The following CEP57L1 variants were observed in gnomAD, a reference collection of about 807,000 sequenced individuals.
CEP57L1 encodes centrosomal protein CEP57L1.
CEP57L1 carries 37 observed loss-of-function variants against 61.0 expected under a neutral mutation model. The ratio of observed to expected loss-of-function variants is 0.61; its 90% CI spans 0.47 to 0.80. The LOEUF (loss-of-function observed/expected upper bound fraction) is 0.80, where lower values mean the gene tolerates loss of function less well. Ranked by LOEUF, CEP57L1 falls within the 30% of genes least tolerant of loss-of-function variation. The pLI, the probability that CEP57L1 is intolerant of heterozygous loss-of-function variation, is 0.00. For synonymous variants in CEP57L1, 137 were observed against 162.3 expected (o/e 0.84, Z 1.19); for missense variants, 422 against 524.7 (o/e 0.80, Z 1.91).
chr6:109,126,711 C>T (rs1405603758), intron 1 of CEP57L1, among the ~76,000 whole-genome samples: 1 of 152,130 alleles, frequency 6.6e-6, no homozygotes, highest in Non-Finnish European at 1.5e-5. Context: ...TTAGTATGTT[C>T]ATAAGCCTGG....
intron 1 of CEP57L1, among the ~76,000 whole-genome samples, chr6:109,097,969 A>G (rs1781912567): frequency 6.6e-6 from 1 of 152,238 alleles, no homozygotes; most frequent in Non-Finnish European, 1.5e-5. Context: ...CAATGAGTAC[A>G]AAGAGGAGAA....
Position 109,163,917 on chromosome 6 carries a change from A to G in CEP57L1, c.*947A>G, listed in dbSNP as rs1041568401. The G allele has an allele frequency of 5.3e-5, 8 of 152,182 alleles. No homozygotes were observed. Among genetic ancestry groups the G allele is most frequent in the Non-Finnish European group, 1.0e-4 (7 of 68,032 alleles). 9.4% of individuals were successfully genotyped at this position (152,182 alleles called of 1,614,324 possible). A position where few individuals can be genotyped will look rare whatever the true frequency, so the allele number is the denominator to read the frequency against. ...CACTTGATCATTTTTCTGGAAGCCTATGGGAACTAGTACAACTCTTCTGAA... is the reference window on the plus strand; with the variant it reads ...CACTTGATCATTTTTCTGGAAGCCTGTGGGAACTAGTACAACTCTTCTGAA... On this transcript the variant is annotated 3_prime_UTR_variant, in exon 11 of 11. Coordinates refer to ENST00000517392, the MANE Select transcript of CEP57L1 (RefSeq NM_001271852.3).
At position 109,155,798 on chromosome 6, in the gene CEP57L1, C is replaced by T. The variant is rs1371394021; in HGVS notation, c.665C>T (p.Thr222Ile). Residue 222 changes from threonine (T) to isoleucine (I), a missense_variant, in exon 7 of 11, where the codon ACT (threonine) becomes ATT (isoleucine). Transcript: ENST00000517392. ...LFQDKASELQ[T>I]GLEISKIIMS... ...TTTTTTTAAATATTACAGCTTCAAACTGGACTTGAAATCAGTAAAATTATA... is the reference window on the plus strand; with the variant it reads ...TTTTTTTAAATATTACAGCTTCAAATTGGACTTGAAATCAGTAAAATTATA... 3 of 1,523,992 alleles carry T rather than the reference C, an allele frequency of 2.0e-6. No homozygotes were observed. Among genetic ancestry groups the T allele is most frequent in the Non-Finnish European group, 2.7e-6 (3 of 1,107,166 alleles). 94.4% of individuals were successfully genotyped at this position (1,523,992 alleles called of 1,614,324 possible). A position where few individuals can be genotyped will look rare whatever the true frequency, so the allele number is the denominator to read the frequency against.
rs1774341756 is a variant in CEP57L1, at chr6:109,170,298, T to A, written c.*7328T>A. ...TTGTAAAGTGAGCCAGACCTTCCAA[T>A]CAGCTAAAATAATGTAAAATAATGT... On this transcript the variant is annotated 3_prime_UTR_variant, in exon 11 of 11. Coordinates refer to ENST00000517392, the MANE Select transcript of CEP57L1 (RefSeq NM_001271852.3). Among the ~76,000 whole-genome samples, 1 of 152,148 alleles carries A rather than the reference T, an allele frequency of 6.6e-6. No homozygotes were observed. Among genetic ancestry groups the A allele is most frequent in the African/African-American group, 2.4e-5 (1 of 41,442 alleles).
At chr6:109,101,979 C>G (rs1398867806) in intron 1 of CEP57L1, among the ~76,000 whole-genome samples, 1 of 152,148 alleles carries the variant, frequency 6.6e-6, no homozygotes, top group East Asian at 1.9e-4. Context: ...AATGAGAGTT[C>G]CTGTTGCGCC....
At chr6:109,105,393 G>A (rs1460475908) in intron 1 of CEP57L1, among the ~76,000 whole-genome samples, 1 of 152,082 alleles carries the variant, frequency 6.6e-6, no homozygotes, top group East Asian at 1.9e-4. Context: ...TTACCGTGTG[G>A]ATAGCACTGT....
intron 1 of CEP57L1, among the ~76,000 whole-genome samples, chr6:109,117,390 A>G (rs1052812881): frequency 6.6e-6 from 1 of 152,158 alleles, no homozygotes; most frequent in Non-Finnish European, 1.5e-5. Flanking sequence ...GAAGTTTTTA[A>G]TTGAAGGATG....
At chr6:109,116,509 G>A (rs545027462) in intron 1 of CEP57L1, among the ~76,000 whole-genome samples, 1 of 152,222 alleles carries the variant, frequency 6.6e-6, no homozygotes, top group Non-Finnish European at 1.5e-5. Context: ...TTTCTTAACA[G>A]TAGAGTAGAC....
In CEP57L1 at chr6:109,165,990, G is replaced by T. The variant is rs1376381252; in HGVS notation, c.*3020G>T. 1 of 152,182 alleles carries T rather than the reference G, an allele frequency of 6.6e-6. No individual in the cohort carries two copies. The allele number at this position is 152,182 out of a possible 1,614,324, so 9.4% of individuals were successfully genotyped here. The stretch of plus-strand genomic sequence containing the variant: ...GAATTGGAATTTTCTAGCCAAGGCA[G>T]GTCTCAATTTTGATGAAACTGAAGC... On this transcript the variant is annotated 3_prime_UTR_variant, in exon 11 of 11. Transcript: ENST00000517392.
At chr6:109,118,099 G>A (rs1336880266) in intron 1 of CEP57L1, among the ~76,000 whole-genome samples, 2 of 152,288 alleles carry the variant, frequency 1.3e-5, no homozygotes, top group South Asian at 2.1e-4. Context: ...GCAGTGGCAC[G>A]GTCTCGGCTC....
At position 109,111,601 on chromosome 6, in the gene CEP57L1, G is replaced by A. The variant is rs913080547; in HGVS notation, c.-4+16026G>A. Among the ~76,000 whole-genome samples, 31 of 152,006 alleles carry A rather than the reference G, an allele frequency of 2.0e-4. 1 individual carries two copies. Among genetic ancestry groups the A allele is most frequent in the Admixed American group, 1.6e-3 (24 of 15,238 alleles). On this transcript the variant is annotated intron_variant, in intron 1 of 10. Transcript: ENST00000517392. ...AGAGAGGGCATCCTTGTCTTCTGCC[G>A]GTTTTCAAAGGGAATGCTTCCAGTT...
At chr6:109,124,937 C>T (rs1773372013) in intron 1 of CEP57L1, 1 of 152,110 alleles carries the variant, frequency 6.6e-6, no homozygotes, top group African/African-American at 2.4e-5. Context: ...TTTTTCATCT[C>T]TGAATGTTTA....
In CEP57L1 at chr6:109,165,550, A is replaced by G. The variant is rs1382143202; in HGVS notation, c.*2580A>G. Among the ~76,000 whole-genome samples the G allele has an allele frequency of 1.1e-4, 16 of 152,238 alleles. No individual in the cohort carries two copies. Among genetic ancestry groups the G allele is most frequent in the Non-Finnish European group, 1.9e-4 (13 of 68,024 alleles). On this transcript the variant is annotated 3_prime_UTR_variant, in exon 11 of 11. Coordinates refer to ENST00000517392, the MANE Select transcript of CEP57L1 (RefSeq NM_001271852.3). ...TATCTCTTTCTGTGTGCCTGAAGGG[A>G]AATGGCTTTGTCATCTTTCCTAGCC... is the stretch of plus-strand genomic sequence containing the variant.
intron 1 of CEP57L1, among the ~76,000 whole-genome samples, chr6:109,122,372 A>C (rs1335338889): frequency 6.6e-6 from 1 of 151,910 alleles, no homozygotes; most frequent in Non-Finnish European, 1.5e-5. Context: ...TCATTTGTTT[A>C]TATTGCATTT....
In CEP57L1 at chr6:109,137,404, C is replaced by G. The variant is rs925058816; in HGVS notation, c.-3-7815C>G. On this transcript the variant is annotated intron_variant, in intron 1 of 10. Coordinates refer to ENST00000517392, the MANE Select transcript of CEP57L1 (RefSeq NM_001271852.3). ...GCGACCTCTGCCTCCCAAGTTCAAG[C>G]TATTCTCCTGCCTCAGCCTCCTGAG... is the stretch of plus-strand genomic sequence containing the variant. 2.6e-5 allele frequency among the ~76,000 whole-genome samples: 4 copies of G among 151,800 alleles called. 1 individual carries two copies. In the East Asian group the frequency reaches 7.7e-4, roughly 29 times the overall value.
intron 7 of CEP57L1, chr6:109,156,120 C>G (rs1446243490): frequency 6.5e-6 from 2 of 305,620 alleles, no homozygotes; most frequent in Non-Finnish European, 1.2e-5. Context: ...TGCTTGACAA[C>G]CAAAGCAAAA....
chr6:109,106,721 G>C (rs1770977337), intron 1 of CEP57L1, among the ~76,000 whole-genome samples: 1 of 152,084 alleles, frequency 6.6e-6, no homozygotes, highest in African/African-American at 2.4e-5. Flanking sequence ...TTGAGGTCAG[G>C]AGTTCAAGAT....
rs1773887447 is a variant in CEP57L1 at position 109,163,382 on chromosome 6, A to C, written c.*412A>C. On this transcript the variant is annotated 3_prime_UTR_variant, in exon 11 of 11. Coordinates refer to ENST00000517392, the MANE Select transcript of CEP57L1 (RefSeq NM_001271852.3). ...TGAACAGAGTTCAGAAAGATCATTT[A>C]GCTTTCCTGGTGCCTTCTTTCTATT... 1 of 154,754 alleles carries C rather than the reference A, an allele frequency of 6.5e-6. No individual in the cohort carries two copies. Among genetic ancestry groups the C allele is most frequent in the Non-Finnish European group, 1.4e-5 (1 of 69,870 alleles). The allele number at this position is 154,754 out of a possible 1,614,324, so 9.6% of individuals were successfully genotyped here.
intron 1 of CEP57L1, among the ~76,000 whole-genome samples, chr6:109,133,349 G>A (rs556194490): frequency 3.9e-5 from 6 of 152,190 alleles, no homozygotes; most frequent in East Asian, 1.9e-4. Context: ...CCTGATATGC[G>A]CAGTTCACAA....
Sources: allele counts gnomAD v4.1 joint callset (sites outside exome capture counted in the v4.1 genomes callset), GRCh38; gene constraint gnomAD v4.1.1; transcripts MANE v1.5; gene names NCBI Gene and HGNC (gene_info 2026-07-23, HGNC 2026-07-21).